ADGRA3: variants seen among roughly 807,000 people sequenced by gnomAD.
The protein encoded by ADGRA3 is adhesion G protein-coupled receptor A3, also known as G-protein coupled receptor 125.
ADGRA3 carries 56 observed loss-of-function variants against 119.8 expected under a neutral mutation model. That is an observed-to-expected ratio of 0.47 (90% confidence interval 0.38 to 0.58). The LOEUF (loss-of-function observed/expected upper bound fraction) is 0.58, where lower values mean the gene tolerates loss of function less well. Ranked by LOEUF, ADGRA3 falls within the 20% of genes least tolerant of loss-of-function variation. ADGRA3 has a pLI of 0.00. For missense variants in ADGRA3, 1,516 were observed against 1,649.0 expected (o/e 0.92, Z 1.40); for synonymous variants, 607 against 623.8 (o/e 0.97, Z 0.40).
intron 12 of ADGRA3, among the ~76,000 whole-genome samples, chr4:22,418,518 G>A (rs1187854261): frequency 6.6e-6 from 1 of 152,138 alleles, no homozygotes; most frequent in Non-Finnish European, 1.5e-5. Flanking sequence ...GCCTGCTTGA[G>A]AATGACCAGG....
At chr4:22,507,307 T>C (rs903868842) in intron 1 of ADGRA3, among the ~76,000 whole-genome samples, 3 of 152,120 alleles carry the variant, frequency 2.0e-5, no homozygotes, top group Admixed American at 6.6e-5. Context: ...TCTTTGTTTA[T>C]AAGAAAAATG....
chr4:22,476,615 C>T (rs1208859611), intron 1 of ADGRA3, among the ~76,000 whole-genome samples: 1 of 151,032 alleles, frequency 6.6e-6, no homozygotes, highest in South Asian at 2.1e-4. Context: ...AAAATGATCG[C>T]TATTTTAGTG....
At chr4:22,449,546 T>C (rs1380323794) in intron 4 of ADGRA3, among the ~76,000 whole-genome samples, 3 of 151,934 alleles carry the variant, frequency 2.0e-5, no homozygotes, top group South Asian at 2.1e-4. Context: ...ATCCTACAAA[T>C]GTAGGACTTC....
chr4:22,501,516 G>C (rs1719047521), intron 1 of ADGRA3, among the ~76,000 whole-genome samples: 2 of 152,032 alleles, frequency 1.3e-5, no homozygotes, highest in South Asian at 2.1e-4. Context: ...GAAAGAACCT[G>C]AATGAGTCAT....
chr4:22,500,347 C>T (rs574062049), intron 1 of ADGRA3, among the ~76,000 whole-genome samples: 1 of 152,322 alleles, frequency 6.6e-6, no homozygotes, highest in African/African-American at 2.4e-5. Flanking sequence ...GTTGGCACTC[C>T]TGTAAAATGT....
At chr4:22,450,530 G>A (rs1716998248) in intron 4 of ADGRA3, among the ~76,000 whole-genome samples, 1 of 152,116 alleles carries the variant, frequency 6.6e-6, no homozygotes, top group South Asian at 2.1e-4. Context: ...CCTCCAAAGT[G>A]CTGGGATTAC....
intron 1 of ADGRA3, among the ~76,000 whole-genome samples, chr4:22,501,915 G>A (rs57016944): frequency 0.019 from 1,725 of 90,820 alleles, 36 homozygotes; most frequent in African/African-American, 0.073. Context: ...GGAAGAACTC[G>A]AATGTGTAAT....
intron 5 of ADGRA3, among the ~76,000 whole-genome samples, chr4:22,446,923 A>G (rs571410841): frequency 1.3e-5 from 2 of 152,170 alleles, no homozygotes; most frequent in Non-Finnish European, 2.9e-5. Context: ...AAAATCAACC[A>G]ATTCTAAAGC....
At chr4:22,447,566 C>G (rs1716877547) in intron 4 of ADGRA3, 55 bp from the exon 5 acceptor site, 2 of 1,072,338 alleles carry the variant, frequency 1.9e-6, no homozygotes, top group Non-Finnish European at 1.4e-6. Flanking sequence ...ATCATTTTAT[C>G]CTATTTCATA....
chr4:22,456,469 G>A (rs906551724), intron 3 of ADGRA3, among the ~76,000 whole-genome samples: 1 of 152,186 alleles, frequency 6.6e-6, no homozygotes, highest in African/African-American at 2.4e-5. Flanking sequence ...ACAGCAGGAT[G>A]TCTTCTCCTC....
At chr4:22,469,260 C>T (rs922533346) in intron 2 of ADGRA3, among the ~76,000 whole-genome samples, 2 of 152,178 alleles carry the variant, frequency 1.3e-5, no homozygotes, top group Admixed American at 1.3e-4. Context: ...GCACTTACCA[C>T]AATCTATCAT....
chr4:22,478,698 T>A (rs1025091245), intron 1 of ADGRA3, among the ~76,000 whole-genome samples: 9 of 152,156 alleles, frequency 5.9e-5, no homozygotes, highest in Non-Finnish European at 1.0e-4. Flanking sequence ...GAGAGCATCC[T>A]GAGTTAGGGT....
chr4:22,476,754 C>T (rs1012556750), intron 1 of ADGRA3, among the ~76,000 whole-genome samples: 1 of 151,832 alleles, frequency 6.6e-6, no homozygotes, highest in Non-Finnish European at 1.5e-5. Flanking sequence ...ACAATCTACG[C>T]CTCCAGGGTT....
chr4:22,426,562 C>T (rs1715941112), intron 10 of ADGRA3, among the ~76,000 whole-genome samples: 1 of 152,202 alleles, frequency 6.6e-6, no homozygotes, highest in Non-Finnish European at 1.5e-5. Flanking sequence ...CAAGCTCTAT[C>T]TTCAACCTTA....
intron 1 of ADGRA3, among the ~76,000 whole-genome samples, chr4:22,484,838 A>C (rs1183271953): frequency 1.3e-5 from 2 of 151,978 alleles, no homozygotes; most frequent in East Asian, 1.9e-4. Context: ...CTGACTGTTG[A>C]TGGCATCCTT....
In ADGRA3 at chr4:22,416,762, GAA is replaced by G. The variant is rs200918023; in HGVS notation, c.1810-2950_1810-2949del. The stretch of plus-strand genomic sequence containing the variant: ...TTAACACTAAAAATTGATGAAATAT[GAA>G]CACACAAGAAATGACTGTTACCACA... On this transcript the variant is annotated intron_variant, in intron 12 of 18. Coordinates refer to ENST00000334304, the MANE Select transcript of ADGRA3 (RefSeq NM_145290.4). 8.7e-3 allele frequency among the ~76,000 whole-genome samples: 1,318 copies of G among 152,176 alleles called. 18 individuals carry two copies. Among genetic ancestry groups the G allele is most frequent in the East Asian group, 0.044 (226 of 5,176 alleles).
At chr4:22,470,894 G>A (rs1409642765) in intron 2 of ADGRA3, among the ~76,000 whole-genome samples, 1 of 152,180 alleles carries the variant, frequency 6.6e-6, no homozygotes, top group Non-Finnish European at 1.5e-5. Flanking sequence ...GGCCAGTGGA[G>A]AAAGCACCTC....
At chr4:22,513,354 G>A (rs1300773250) in intron 1 of ADGRA3, among the ~76,000 whole-genome samples, 1 of 151,574 alleles carries the variant, frequency 6.6e-6, no homozygotes, top group African/African-American at 2.4e-5. Flanking sequence ...GGGGCTTTAA[G>A]CATGTTGGCC....
At chr4:22,407,304 A>G (rs1162704608) in intron 14 of ADGRA3, among the ~76,000 whole-genome samples, 1 of 152,152 alleles carries the variant, frequency 6.6e-6, no homozygotes, top group Non-Finnish European at 1.5e-5. Context: ...ATTTACGGCA[A>G]TTGAGAATTT....
Sources: gnomAD v4.1 joint callset for allele counts (sites outside exome capture counted in the v4.1 genomes callset) on GRCh38, gnomAD v4.1.1 for gene constraint, MANE v1.5 for transcripts, NCBI Gene and HGNC (gene_info 2026-07-23, HGNC 2026-07-21) for gene names.